The following SLC16A12 variants were observed in gnomAD, a reference collection of about 807,000 sequenced individuals.
SLC16A12 encodes monocarboxylate transporter 12.
SLC16A12 carries 17 observed loss-of-function variants against 42.4 expected under a neutral mutation model. The observed-to-expected ratio is 0.40, with a 90% CI of 0.27 to 0.60. The LOEUF is 0.60. SLC16A12 is among the 20% of genes least tolerant of loss of function. SLC16A12 has a pLI of 0.42. For missense variants in SLC16A12, 544 were observed against 623.0 expected (o/e 0.87, Z 1.35); for synonymous variants, 224 against 229.4 (o/e 0.98, Z 0.21).
chr10:89,521,993 T>C (rs1158388160), intron 2 of SLC16A12, among the ~76,000 whole-genome samples: 2 of 152,190 alleles, frequency 1.3e-5, no homozygotes, highest in Admixed American at 1.3e-4. Flanking sequence ...GTCCAGACCG[T>C]CCTTAGGACT....
At chr10:89,504,959 T>C (rs1339340249) in intron 2 of SLC16A12, among the ~76,000 whole-genome samples, 1 of 152,078 alleles carries the variant, frequency 6.6e-6, no homozygotes, top group Non-Finnish European at 1.5e-5. Flanking sequence ...GCAAGAAGGA[T>C]GAAGACCCAG....
At chr10:89,468,806 C>A (rs1842448489) in intron 2 of SLC16A12, among the ~76,000 whole-genome samples, 1 of 152,074 alleles carries the variant, frequency 6.6e-6, no homozygotes. Flanking sequence ...TGACAAGAGA[C>A]AAATATAATG....
intron 2 of SLC16A12, among the ~76,000 whole-genome samples, chr10:89,487,457 G>T (rs1842774632): frequency 6.6e-6 from 1 of 151,836 alleles, no homozygotes; most frequent in Admixed American, 6.6e-5. Context: ...ACTAAAAATA[G>T]AACTACCATT....
rs770576384 is a variant in SLC16A12, at chr10:89,441,094, C to A, written c.448+14G>T. 1 of 1,613,700 alleles carries A rather than the reference C, an allele frequency of 6.2e-7. No individual in the cohort carries two copies. The highest frequency in any genetic ancestry group is 8.5e-7 in the Non-Finnish European group (1 of 1,179,734). Reference sequence around the variant, plus strand: ...ATGGAGTGGGGTGAGACAGGTGGTACAAAGTGCCCTTACCTGTAAGAACTC... The same window carrying A: ...ATGGAGTGGGGTGAGACAGGTGGTAAAAAGTGCCCTTACCTGTAAGAACTC... On this transcript the variant is annotated intron_variant, in intron 5 of 7. Coordinates refer to ENST00000371790, the MANE Select transcript of SLC16A12 (RefSeq NM_213606.4).
At chr10:89,507,758 GC>G (rs201272743) in intron 2 of SLC16A12, among the ~76,000 whole-genome samples, 10,612 of 152,142 alleles carry the variant, frequency 0.07, 534 homozygotes, top group African/African-American at 0.14. Flanking sequence ...TGGGCTAAAT[GC>G]CCCCAATTAA....
chr10:89,509,844 A>G (rs553567330), intron 2 of SLC16A12, among the ~76,000 whole-genome samples: 18 of 152,348 alleles, frequency 1.2e-4, no homozygotes, highest in African/African-American at 3.8e-4. Context: ...AGAAAACCCC[A>G]TCATCTCAGC....
chr10:89,509,910 A>G (rs1032801495), intron 2 of SLC16A12, among the ~76,000 whole-genome samples: 2 of 152,226 alleles, frequency 1.3e-5, no homozygotes, highest in African/African-American at 4.8e-5. Flanking sequence ...ATACAAAATC[A>G]GTGTGCAAAA....
chr10:89,455,829 A>G (rs1842180091), intron 3 of SLC16A12, among the ~76,000 whole-genome samples: 2 of 152,214 alleles, frequency 1.3e-5, no homozygotes, highest in South Asian at 4.1e-4. Flanking sequence ...CTCTAAAATT[A>G]GCATTTTGGT....
intron 2 of SLC16A12, among the ~76,000 whole-genome samples, chr10:89,511,983 G>A (rs1843168976): frequency 6.6e-6 from 1 of 152,162 alleles, no homozygotes; most frequent in South Asian, 2.1e-4. Context: ...ATAAAGGAAG[G>A]ACATTCTGAT....
rs933491461 is a variant in SLC16A12, at chr10:89,490,627, C to T, written c.-46-28003G>A. ...AGGTATGGGGGGCCGGGATTGGGAA[C>T]GCAGAGCTTCTATGCATCCCACCCT... On this transcript the variant is annotated intron_variant, in intron 2 of 7. Transcript: ENST00000371790. Among the ~76,000 whole-genome samples, 6 of 152,142 alleles carry T rather than the reference C, an allele frequency of 3.9e-5. 1 individual carries two copies. The highest frequency in any genetic ancestry group is 7.2e-5 in the African/African-American group (3 of 41,428).
chr10:89,518,993 A>T (rs117524646), intron 2 of SLC16A12, among the ~76,000 whole-genome samples: 5,255 of 152,302 alleles, frequency 0.035, 152 homozygotes, highest in Non-Finnish European at 0.044. Context: ...ATATTTTAAA[A>T]ATCTATTTAA....
At chr10:89,465,382 A>T (rs1302393732) in intron 2 of SLC16A12, among the ~76,000 whole-genome samples, 3 of 152,170 alleles carry the variant, frequency 2.0e-5, no homozygotes, top group Admixed American at 6.5e-5. Context: ...TTGCAGCCTG[A>T]CGTAGCTATA....
At chr10:89,453,190 A>T (rs1842123951) in intron 3 of SLC16A12, among the ~76,000 whole-genome samples, 1 of 152,232 alleles carries the variant, frequency 6.6e-6, no homozygotes, top group Admixed American at 6.5e-5. Flanking sequence ...ACACCCAACG[A>T]CAGAGAGAAT....
chr10:89,521,664 G>A (rs961334018), intron 2 of SLC16A12, among the ~76,000 whole-genome samples: 14 of 152,176 alleles, frequency 9.2e-5, no homozygotes, highest in African/African-American at 3.4e-4. Flanking sequence ...TGTCCAGAGA[G>A]TGTCACACTG....
At chr10:89,465,052 A>G (rs145359833) in intron 2 of SLC16A12, among the ~76,000 whole-genome samples, 1 of 152,342 alleles carries the variant, frequency 6.6e-6, no homozygotes, top group Non-Finnish European at 1.5e-5. Context: ...CTAATAGTTA[A>G]AATACTGGTG....
At chr10:89,541,899 C>T (rs73363840) in intron 2 of SLC16A12, among the ~76,000 whole-genome samples, 9,164 of 152,182 alleles carry the variant, frequency 0.06, 914 homozygotes, top group African/African-American at 0.21. Flanking sequence ...TATTTTGTGT[C>T]TCCAAATTAA....
intron 2 of SLC16A12, among the ~76,000 whole-genome samples, chr10:89,544,964 G>C (rs1370493833): frequency 6.6e-6 from 1 of 152,180 alleles, no homozygotes; most frequent in Non-Finnish European, 1.5e-5. Context: ...GATTGCTTTA[G>C]CCAATAGGGA....
intron 2 of SLC16A12, among the ~76,000 whole-genome samples, chr10:89,482,220 T>C (rs2133789207): frequency 6.8e-6 from 1 of 147,404 alleles, no homozygotes; most frequent in South Asian, 2.1e-4. Flanking sequence ...TGGATTATCA[T>C]TTCTCAAGAA....
intron 3 of SLC16A12, among the ~76,000 whole-genome samples, chr10:89,460,507 T>C (rs1187590533): frequency 6.6e-6 from 1 of 151,894 alleles, no homozygotes; most frequent in Non-Finnish European, 1.5e-5. Flanking sequence ...GTGGATCACC[T>C]GAGGTCAAGA....
Sources: gnomAD v4.1 joint callset for allele counts (sites outside exome capture counted in the v4.1 genomes callset) on GRCh38, gnomAD v4.1.1 for gene constraint, MANE v1.5 for transcripts, NCBI Gene and HGNC (gene_info 2026-07-23, HGNC 2026-07-21) for gene names.